Variants in CXCL13 observed in about 807,000 individuals in gnomAD.
CXCL13 encodes C-X-C motif chemokine ligand 13, also known as C-X-C motif chemokine 13.
Under a neutral mutation model 12.2 loss-of-function variants are expected in CXCL13, and 7 were observed. That is an observed-to-expected ratio of 0.57 (90% confidence interval 0.33 to 1.07). The LOEUF is 1.07. Ranked by LOEUF, CXCL13 falls within the 50% of genes least tolerant of loss-of-function variation. The probability of loss-of-function intolerance (pLI) is 0.04; values close to 1 mark genes in which losing one functional copy is unlikely to be tolerated. For synonymous variants in CXCL13, 47 were observed against 42.4 expected (o/e 1.11, Z -0.42); for missense variants, 113 against 127.4 (o/e 0.89, Z 0.55).
chr4:77,554,364 A>G (rs916635358), intron 1 of CXCL13, among the ~76,000 whole-genome samples: 1 of 152,220 alleles, frequency 6.6e-6, no homozygotes, highest in Admixed American at 6.5e-5. Context: ...ACTAGAGATA[A>G]AGAGAAATGT....
At chr4:77,563,656 C>T (rs529313492) in intron 1 of CXCL13, among the ~76,000 whole-genome samples, 1 of 152,320 alleles carries the variant, frequency 6.6e-6, no homozygotes, top group East Asian at 1.9e-4. Flanking sequence ...GTGGGATCTT[C>T]TTATGAGACT....
At chr4:77,606,182 C>G (rs1313043106) in intron 1 of CXCL13, among the ~76,000 whole-genome samples, 1 of 152,092 alleles carries the variant, frequency 6.6e-6, no homozygotes, top group Admixed American at 6.5e-5. Context: ...ATTATATATT[C>G]CCAGCCTTTT....
chr4:77,597,958 CA>C (rs1726801413), intron 1 of CXCL13, among the ~76,000 whole-genome samples: 1 of 152,172 alleles, frequency 6.6e-6, no homozygotes, highest in Non-Finnish European at 1.5e-5. Flanking sequence ...TTTGGCAAGC[CA>C]CTAAAGCAGC....
At chr4:77,553,354 C>T (rs982762577) in intron 1 of CXCL13, among the ~76,000 whole-genome samples, 2 of 152,358 alleles carry the variant, frequency 1.3e-5, no homozygotes, top group Non-Finnish European at 2.9e-5. Context: ...AGCCATGCTG[C>T]TGGGTTGCCA....
At chr4:77,514,626 G>A (rs199733496) in intron 1 of CXCL13, among the ~76,000 whole-genome samples, 7 of 145,512 alleles carry the variant, frequency 4.8e-5, no homozygotes, top group Non-Finnish European at 7.6e-5. Flanking sequence ...GTCTGTTCAT[G>A]TCCTTCGCCC....
chr4:77,520,980 G>T (rs999283197), intron 1 of CXCL13, among the ~76,000 whole-genome samples: 9 of 152,110 alleles, frequency 5.9e-5, no homozygotes, highest in Admixed American at 3.3e-4. Flanking sequence ...TAATCATGTG[G>T]TTTTTTGTCA....
intron 1 of CXCL13, among the ~76,000 whole-genome samples, chr4:77,550,980 A>G (rs1011335674): frequency 3.9e-5 from 6 of 152,304 alleles, no homozygotes; most frequent in African/African-American, 1.4e-4. Context: ...TTACATAACA[A>G]ATCTTTCTCT....
At chr4:77,579,938 T>A (rs1189404131) in intron 1 of CXCL13, among the ~76,000 whole-genome samples, 1 of 152,066 alleles carries the variant, frequency 6.6e-6, no homozygotes, top group East Asian at 1.9e-4. Flanking sequence ...CAATCCAGGG[T>A]GATATTTATC....
intron 1 of CXCL13, among the ~76,000 whole-genome samples, chr4:77,519,774 C>T (rs1454000187): frequency 6.6e-6 from 1 of 152,172 alleles, no homozygotes; most frequent in East Asian, 1.9e-4. Flanking sequence ...GTGTTTTAGA[C>T]ATCAAGTCCT....
chr4:77,574,783 A>C lies in CXCL13; in HGVS notation c.-42-31041A>C, dbSNP rs576301919. On this transcript the variant is annotated intron_variant, in intron 1 of 4. Coordinates refer to the CXCL13 transcript ENST00000286758. ...TATCCGTTGTGTGTGTGATGTCTAT[A>C]ACAAGGAGCTCTAATTAATGGACTT... Among the ~76,000 whole-genome samples the C allele has an allele frequency of 6.7e-4, 102 of 152,026 alleles. No individual in the cohort carries two copies. The Middle Eastern group carries it at 0.02, about 30-fold the overall frequency.
At chr4:77,591,550 C>CAA (rs780283463) in intron 1 of CXCL13, among the ~76,000 whole-genome samples, 2,341 of 46,706 alleles carry the variant, frequency 0.05, 186 homozygotes, top group African/African-American at 0.14. Flanking sequence ...GACTCCATCT[C>CAA]AAAAAAAAAA....
upstream of CXCL13, chr4:77,605,750 A>G (rs1726987526): frequency 2.0e-6 from 1 of 505,426 alleles, no homozygotes; most frequent in Non-Finnish European, 3.6e-6. Context: ...CAGCTGACCT[A>G]CTGGAGACAA....
At chr4:77,515,656 T>A (rs1179116040) in intron 1 of CXCL13, among the ~76,000 whole-genome samples, 1 of 152,158 alleles carries the variant, frequency 6.6e-6, no homozygotes, top group Non-Finnish European at 1.5e-5. Context: ...CACATTGATT[T>A]TGTATCCTGA....
intron 1 of CXCL13, among the ~76,000 whole-genome samples, chr4:77,517,439 T>C (rs572767877): frequency 4.6e-5 from 7 of 152,244 alleles, no homozygotes; most frequent in African/African-American, 1.7e-4. Flanking sequence ...TGTGTGGGAG[T>C]CTAAGTCTCT....
At chr4:77,516,370 T>G (rs905389064) in intron 1 of CXCL13, among the ~76,000 whole-genome samples, 1 of 152,212 alleles carries the variant, frequency 6.6e-6, no homozygotes, top group Non-Finnish European at 1.5e-5. Flanking sequence ...TGGAATAGTT[T>G]CAGAAGGAAT....
intron 1 of CXCL13, among the ~76,000 whole-genome samples, chr4:77,535,025 A>G (rs1396054456): frequency 3.9e-5 from 6 of 152,204 alleles, no homozygotes; most frequent in African/African-American, 1.4e-4. Context: ...GGAATTACAA[A>G]AGGAGAAACA....
At position 77,610,648 on chromosome 4, in the gene CXCL13, G is replaced by A; in HGVS notation, c.232G>A (p.Asp78Asn). ...WKKNKSIVCV[D>N]PQAEWIQRMM... ...GAAGAACAAGTCAATTGTGTGTGTG[G>A]ACCCTCAAGCTGAATGGATACAAAG... Residue 78 changes from aspartate to asparagine, a missense_variant, in exon 3 of 4, where the codon GAC becomes AAC. Asp to Asn is a conservative substitution (Grantham distance 23). Coordinates refer to ENST00000682537, the MANE Select transcript of CXCL13 (RefSeq NM_001371558.1). 6.2e-7 allele frequency: 1 copy of A among 1,613,458 alleles called. No homozygotes were observed. The highest frequency in any genetic ancestry group is 1.1e-5 in the South Asian group (1 of 91,058).
intron 1 of CXCL13, among the ~76,000 whole-genome samples, chr4:77,545,371 A>T (rs1172423197): frequency 6.6e-6 from 1 of 152,134 alleles, no homozygotes; most frequent in Non-Finnish European, 1.5e-5. Context: ...GATTCTTCCT[A>T]CCCATGAGCA....
At chr4:77,530,025 T>G (rs984087713) in intron 1 of CXCL13, among the ~76,000 whole-genome samples, 1 of 152,222 alleles carries the variant, frequency 6.6e-6, no homozygotes, top group Non-Finnish European at 1.5e-5. Context: ...TTGCATCTAT[T>G]GAGATAATCA....
Sources: gnomAD v4.1 joint callset for allele counts (sites outside exome capture counted in the v4.1 genomes callset) on GRCh38, gnomAD v4.1.1 for gene constraint, MANE v1.5 for transcripts, NCBI Gene and HGNC (gene_info 2026-07-23, HGNC 2026-07-21) for gene names.